Variants in CAMTA1 observed in about 807,000 individuals in gnomAD.
The protein encoded by CAMTA1 is calmodulin binding transcription activator 1.
CAMTA1 carries 27 observed loss-of-function variants against 170.9 expected under a neutral mutation model. That is an observed-to-expected ratio of 0.16 (90% confidence interval 0.12 to 0.22). The LOEUF is 0.22. Among genes scored for constraint, CAMTA1 ranks in the 10% least tolerant of loss-of-function variants. CAMTA1 has a pLI of 1.00. For missense variants in CAMTA1, 1,619 were observed against 2,217.2 expected, an observed-to-expected ratio of 0.73 and a Z score of 5.42; for synonymous variants, 833 against 891.5, an observed-to-expected ratio of 0.93 and a Z score of 1.17.
At chr1:7,566,438 C>G (rs1011638352) in intron 6 of CAMTA1, among the ~76,000 whole-genome samples, 1 of 152,134 alleles carries the variant, frequency 6.6e-6, no homozygotes, top group South Asian at 2.1e-4. Flanking sequence ...CAGGCAGGCA[C>G]TGCACAGAAT....
chr1:6,968,182 G>A (rs535863463), intron 3 of CAMTA1, among the ~76,000 whole-genome samples: 7 of 152,244 alleles, frequency 4.6e-5, no homozygotes, highest in East Asian at 1.9e-4. Context: ...TCGGCTGTCC[G>A]CTTGGTGTGC....
intron 5 of CAMTA1, among the ~76,000 whole-genome samples, chr1:7,311,317 C>T (rs1408819738): frequency 6.6e-6 from 1 of 152,146 alleles, no homozygotes; most frequent in African/African-American, 2.4e-5. Flanking sequence ...TTTTTATTCT[C>T]TCTTATTCAG....
At chr1:7,749,839 A>G (rs1330279494) in intron 19 of CAMTA1, 1 of 456,078 alleles carries the variant, frequency 2.2e-6, no homozygotes, top group Non-Finnish European at 4.4e-6. Context: ...CCAGAGTCAC[A>G]AACTTCACAC....
chr1:7,442,810 G>A (rs1005166965), intron 5 of CAMTA1, among the ~76,000 whole-genome samples: 1 of 152,188 alleles, frequency 6.6e-6, no homozygotes, highest in African/African-American at 2.4e-5. Context: ...AGCACCTACT[G>A]TATGTCAGTA....
intron 6 of CAMTA1, among the ~76,000 whole-genome samples, chr1:7,470,860 A>C (rs1176689412): frequency 2.6e-5 from 4 of 152,322 alleles, no homozygotes; most frequent in Admixed American, 2.6e-4. Flanking sequence ...CTTAGTGGGC[A>C]CGTCTGCCTA....
chr1:6,786,038 G>T (rs571046178), intron 1 of CAMTA1, among the ~76,000 whole-genome samples: 19 of 151,810 alleles, frequency 1.3e-4, no homozygotes, highest in African/African-American at 4.3e-4. Context: ...CACTGCTCCG[G>T]GCCGGTCCCC....
intron 1 of CAMTA1, among the ~76,000 whole-genome samples, chr1:6,786,535 G>C (rs1160173199): frequency 2.0e-5 from 3 of 152,190 alleles, no homozygotes; most frequent in Non-Finnish European, 4.4e-5. Context: ...GGCTGCCCAT[G>C]TTCTTCTTTC....
At chr1:7,036,058 A>C (rs1465650075) in intron 3 of CAMTA1, among the ~76,000 whole-genome samples, 2 of 152,388 alleles carry the variant, frequency 1.3e-5, no homozygotes, top group African/African-American at 4.8e-5. Flanking sequence ...TATATAGTAA[A>C]TAAAAACTAA....
rs1487932454 is a variant in CAMTA1, at chr1:6,915,214, T to C, written c.234+90004T>C. Among the ~76,000 whole-genome samples the C allele has an allele frequency of 2.0e-5, 3 of 152,370 alleles. No homozygotes were observed. The East Asian group carries it at 5.8e-4, about 29-fold the overall frequency. On this transcript the variant is annotated intron_variant, in intron 3 of 22. Transcript: ENST00000303635. ...CAAAAGTGGATTCGTCTAAGTAGTT[T>C]CATTAAAAAAGAAAAGCATATATTT...
In CAMTA1 at chr1:7,680,727, G is replaced by A. The variant is rs897773104; in HGVS notation, c.2914+2994G>A. ...GCCCTTTGTCCCCTCTGCCATGCGC[G>A]GGGGAAAATGTTTGAGGGCGGGGAA... On this transcript the variant is annotated intron_variant, in intron 11 of 22. Transcript: ENST00000303635. The surrounding 1 kb of genome is among the most constrained non-coding windows in gnomAD (Gnocchi z 4.4). 6.6e-6 allele frequency among the ~76,000 whole-genome samples: 1 copy of A among 151,932 alleles called. No individual in the cohort carries two copies. Among genetic ancestry groups the A allele is most frequent in the African/African-American group, 2.4e-5 (1 of 41,412 alleles).
chr1:7,015,826 T>G (rs898237507), intron 3 of CAMTA1, among the ~76,000 whole-genome samples: 1 of 150,746 alleles, frequency 6.6e-6, no homozygotes, highest in East Asian at 1.9e-4. Flanking sequence ...CCTGCATGGC[T>G]GAGGAGGCCT....
At chr1:6,942,089 A>T (rs1303527595) in intron 3 of CAMTA1, among the ~76,000 whole-genome samples, 7 of 116,432 alleles carry the variant, frequency 6.0e-5, no homozygotes, top group South Asian at 5.4e-4. Flanking sequence ...TTTTTTTTTT[A>T]AAGAAATCTC....
intron 3 of CAMTA1, among the ~76,000 whole-genome samples, chr1:7,004,998 C>T (rs969479152): frequency 6.6e-6 from 1 of 152,228 alleles, no homozygotes; most frequent in Non-Finnish European, 1.5e-5. Context: ...TCTCAAACTC[C>T]TGACCTCAAG....
At chr1:7,204,822 CTTTTTTTCTTT>C (rs1657394792) in intron 4 of CAMTA1, among the ~76,000 whole-genome samples, 1 of 111,590 alleles carries the variant, frequency 9.0e-6, no homozygotes, top group Non-Finnish European at 1.8e-5. Flanking sequence ...TTTTTTTTTT[CTTTTTTTCTTT>C]TTTTTTTTTT....
chr1:7,480,639 C>G (rs2693957), intron 6 of CAMTA1, among the ~76,000 whole-genome samples: 80,601 of 151,800 alleles, frequency 0.53, 21,741 homozygotes, highest in African/African-American at 0.61. Context: ...CTTATGAACG[C>G]TCCCTGCTGC....
chr1:7,710,541 G>A (rs552495287), intron 11 of CAMTA1, among the ~76,000 whole-genome samples: 10 of 149,918 alleles, frequency 6.7e-5, no homozygotes, highest in Admixed American at 3.3e-4. Flanking sequence ...TTGAGGCTGC[G>A]GGTGAGCCAC....
intron 3 of CAMTA1, among the ~76,000 whole-genome samples, chr1:6,870,361 A>G (rs918516640): frequency 2.0e-5 from 3 of 152,136 alleles, no homozygotes; most frequent in Non-Finnish European, 4.4e-5. Flanking sequence ...AAAAAAAAAC[A>G]TTGTGTTTTT....
rs2093978497 is a variant in CAMTA1 at position 7,500,274 on chromosome 1, G to A, written c.510+32373G>A. ...AGAGAGGATTGTGTGAGCCTGGTGTGCGTGCATATGTATATGAGTGTGTGT... is the reference window on the plus strand; with the variant it reads ...AGAGAGGATTGTGTGAGCCTGGTGTACGTGCATATGTATATGAGTGTGTGT... On this transcript the variant is annotated intron_variant, in intron 6 of 22. Coordinates refer to ENST00000303635, the MANE Select transcript of CAMTA1 (RefSeq NM_015215.4). Among the ~76,000 whole-genome samples the A allele has an allele frequency of 2.7e-5, 4 of 145,834 alleles. 1 individual carries two copies. In the South Asian group the frequency reaches 8.8e-4, roughly 32 times the overall value.
intron 6 of CAMTA1, among the ~76,000 whole-genome samples, chr1:7,589,344 C>T (rs2095337439): frequency 6.6e-6 from 1 of 152,238 alleles, no homozygotes; most frequent in Non-Finnish European, 1.5e-5. Context: ...GGGTTCCCCA[C>T]ATGTCCCCTG....
Sources: gnomAD v4.1 joint callset for allele counts (sites outside exome capture counted in the v4.1 genomes callset) on GRCh38, gnomAD v4.1.1 for gene constraint, Gnocchi (gnomAD v3.1) non-coding constraint, MANE v1.5 for transcripts, NCBI Gene and HGNC (gene_info 2026-07-23, HGNC 2026-07-21) for gene names.